CTNND2: variants seen among roughly 807,000 people sequenced by gnomAD.
The protein encoded by CTNND2 is catenin delta 2.
CTNND2 carries 22 observed loss-of-function variants against 144.4 expected under a neutral mutation model. The ratio of observed to expected loss-of-function variants is 0.15; its 90% CI spans 0.11 to 0.22. The LOEUF is 0.22. Among genes scored for constraint, CTNND2 ranks in the 10% least tolerant of loss-of-function variants. CTNND2 has a pLI of 1.00. For missense variants in CTNND2, 1,353 were observed against 1,618.8 expected (o/e 0.84, Z 2.82); for synonymous variants, 751 against 695.6 (o/e 1.08, Z -1.25).
At chr5:11,197,452 C>T (rs1463327413) in intron 11 of CTNND2, among the ~76,000 whole-genome samples, 1 of 152,212 alleles carries the variant, frequency 6.6e-6, no homozygotes, top group African/African-American at 2.4e-5. Flanking sequence ...TGGGTCAAGA[C>T]ATGACAGTGG....
In CTNND2 at chr5:11,414,016, G is replaced by A. The variant is rs148323108; in HGVS notation, c.288-1947C>T. ...GGTGTAATTAAGTTAATAATCTTCA[G>A]ATGAGGTCATCCTGGATCATCCAGG... On this transcript the variant is annotated intron_variant, in intron 3 of 21. Transcript: ENST00000304623. 3.6e-3 allele frequency among the ~76,000 whole-genome samples: 551 copies of A among 152,234 alleles called. 3 individuals are homozygous for A. Among genetic ancestry groups the A allele is most frequent in the African/African-American group, 0.012 (482 of 41,554 alleles).
intron 1 of CTNND2, among the ~76,000 whole-genome samples, chr5:11,832,047 T>G (rs1007555495): frequency 7.3e-5 from 11 of 151,098 alleles, no homozygotes; most frequent in African/African-American, 2.7e-4. Flanking sequence ...ACTTTGGGAG[T>G]CCTAGACAGG....
chr5:11,835,619 T>A (rs1171937224), intron 1 of CTNND2, among the ~76,000 whole-genome samples: 3 of 152,210 alleles, frequency 2.0e-5, no homozygotes, highest in African/African-American at 7.2e-5. Context: ...TAGTATTCCC[T>A]TACTATCGTT....
At chr5:11,226,539 G>A (rs774906834) in intron 10 of CTNND2, among the ~76,000 whole-genome samples, 10 of 152,206 alleles carry the variant, frequency 6.6e-5, no homozygotes, top group South Asian at 4.1e-4. Flanking sequence ...CAATCATGGC[G>A]GAAGATGAAG....
intron 3 of CTNND2, among the ~76,000 whole-genome samples, chr5:11,414,776 A>C (rs1158199693): frequency 6.6e-6 from 1 of 152,126 alleles, no homozygotes; most frequent in Non-Finnish European, 1.5e-5. Flanking sequence ...AATAGACCCC[A>C]GTGTCTGTGG....
chr5:11,633,753 G>T (rs541296718), intron 2 of CTNND2, among the ~76,000 whole-genome samples: 18 of 147,930 alleles, frequency 1.2e-4, no homozygotes, highest in Non-Finnish European at 1.9e-4. Context: ...TCCAGTCTGG[G>T]TGACAGAATG....
intron 1 of CTNND2, among the ~76,000 whole-genome samples, chr5:11,755,604 C>A (rs185652367): frequency 6.7e-6 from 1 of 150,006 alleles, no homozygotes; most frequent in African/African-American, 2.4e-5. Context: ...GGTCTCTTTA[C>A]ATAATCCCAT....
chr5:11,554,881 A>G (rs994557194), intron 3 of CTNND2, among the ~76,000 whole-genome samples: 2 of 150,932 alleles, frequency 1.3e-5, no homozygotes, highest in African/African-American at 4.8e-5. Flanking sequence ...AGAATAATAT[A>G]TACTATTTAA....
In CTNND2 at chr5:11,828,296, G is replaced by A. The variant is rs527852130; in HGVS notation, c.37+75521C>T. On this transcript the variant is annotated intron_variant, in intron 1 of 21. Coordinates refer to ENST00000304623, the MANE Select transcript of CTNND2 (RefSeq NM_001332.4). ...TGTAATCCCAGCATTTTGGGAGGCC[G>A]AGGTGTGTGGATCACCTGAGGTCAG... Among the ~76,000 whole-genome samples the A allele has an allele frequency of 5.3e-4, 81 of 152,262 alleles. No homozygotes were observed. The South Asian group carries it at 0.015, about 28-fold the overall frequency.
intron 1 of CTNND2, among the ~76,000 whole-genome samples, chr5:11,865,569 T>G (rs1411213863): frequency 1.3e-5 from 2 of 152,170 alleles, no homozygotes; most frequent in Admixed American, 1.3e-4. Context: ...ACTTCTAAGT[T>G]GGATCAGTGT....
At chr5:11,458,410 G>A (rs1183585749) in intron 3 of CTNND2, among the ~76,000 whole-genome samples, 2 of 152,278 alleles carry the variant, frequency 1.3e-5, no homozygotes, top group South Asian at 2.1e-4. Flanking sequence ...CTAGGAACAT[G>A]GCAATCCTGG....
At chr5:11,147,195 C>T (rs1757324105) in intron 12 of CTNND2, among the ~76,000 whole-genome samples, 1 of 152,112 alleles carries the variant, frequency 6.6e-6, no homozygotes. Context: ...AGTGATGGGC[C>T]TTAAATACCC....
At chr5:11,615,687 T>C (rs1460764709) in intron 2 of CTNND2, among the ~76,000 whole-genome samples, 3 of 152,198 alleles carry the variant, frequency 2.0e-5, no homozygotes, top group African/African-American at 7.2e-5. Context: ...ATATTCTGGC[T>C]GTTAGTTCTC....
intron 1 of CTNND2, among the ~76,000 whole-genome samples, chr5:11,754,350 T>C (rs1474121408): frequency 6.7e-6 from 1 of 150,208 alleles, no homozygotes; most frequent in Admixed American, 6.7e-5. Flanking sequence ...TTTAGGTAGG[T>C]CCCAGAAATT....
chr5:11,466,457 A>G (rs1402115139), intron 3 of CTNND2, among the ~76,000 whole-genome samples: 1 of 152,196 alleles, frequency 6.6e-6, no homozygotes, highest in Admixed American at 6.5e-5. Flanking sequence ...AAAATATACT[A>G]GTGTCCTCCA....
chr5:11,592,297 T>G (rs1187274594), intron 2 of CTNND2, among the ~76,000 whole-genome samples: 1 of 151,916 alleles, frequency 6.6e-6, no homozygotes, highest in Non-Finnish European at 1.5e-5. Context: ...TCTGCCTTCC[T>G]TCCTTTCTCC....
intron 1 of CTNND2, among the ~76,000 whole-genome samples, chr5:11,879,341 G>GTATATATATATATATATA (rs1411823676): frequency 1.6e-4 from 17 of 109,384 alleles, no homozygotes; most frequent in African/African-American, 3.9e-4. Context: ...TTAAATGTGT[G>GTATATATATATATATATA]TATATATATA....
At chr5:11,857,773 C>T (rs1041868470) in intron 1 of CTNND2, among the ~76,000 whole-genome samples, 3 of 152,138 alleles carry the variant, frequency 2.0e-5, no homozygotes, top group Non-Finnish European at 4.4e-5. Context: ...GGAAATGATG[C>T]CTCTCTGCTC....
At chr5:11,210,052 A>G (rs1022101266) in intron 10 of CTNND2, among the ~76,000 whole-genome samples, 1 of 152,148 alleles carries the variant, frequency 6.6e-6, no homozygotes, top group African/African-American at 2.4e-5. Context: ...CTCCTCCTCC[A>G]CTCCCTCAAT....
Sources: allele counts gnomAD v4.1 joint callset (sites outside exome capture counted in the v4.1 genomes callset), GRCh38; gene constraint gnomAD v4.1.1; transcripts MANE v1.5; gene names NCBI Gene and HGNC (gene_info 2026-07-23, HGNC 2026-07-21).